The following SLC17A6 variants were observed in gnomAD, a reference collection of about 807,000 sequenced individuals.
SLC17A6 encodes the protein vesicular glutamate transporter 2.
In SLC17A6, 35 loss-of-function variants were observed where a neutral mutation model predicts 67.1. That is an observed-to-expected ratio of 0.52 (90% CI 0.40 to 0.69). The LOEUF is 0.69. Among genes scored for constraint, SLC17A6 ranks in the 30% least tolerant of loss-of-function variants. The pLI is 0.00. For synonymous variants in SLC17A6, 285 were observed against 252.3 expected, an observed-to-expected ratio of 1.13 and a Z score of -1.23; for missense variants, 588 against 723.9, an observed-to-expected ratio of 0.81 and a Z score of 2.15.
intron 7 of SLC17A6, among the ~76,000 whole-genome samples, chr11:22,367,915 A>C (rs1160232957): frequency 1.3e-5 from 2 of 152,188 alleles, no homozygotes; most frequent in African/African-American, 4.8e-5. Flanking sequence ...GTGGGAATAG[A>C]ACTTGCATTT....
At chr11:22,354,031 A>G (rs535018218) in intron 3 of SLC17A6, among the ~76,000 whole-genome samples, 1 of 152,308 alleles carries the variant, frequency 6.6e-6, no homozygotes, top group Non-Finnish European at 1.5e-5. Flanking sequence ...GCCTAGGTTT[A>G]TATCATGCAT....
intron 3 of SLC17A6, among the ~76,000 whole-genome samples, chr11:22,351,563 G>GTA (rs1855939440): frequency 6.6e-6 from 1 of 152,102 alleles, no homozygotes; most frequent in African/African-American, 2.4e-5. Flanking sequence ...ACCCCAGGAT[G>GTA]TCTGATTTCA....
At chr11:22,354,201 A>G (rs1855973420) in intron 3 of SLC17A6, among the ~76,000 whole-genome samples, 1 of 151,874 alleles carries the variant, frequency 6.6e-6, no homozygotes, top group South Asian at 2.1e-4. Flanking sequence ...CTCCTGCCTC[A>G]GCCTCCTGAG....
intron 7 of SLC17A6, among the ~76,000 whole-genome samples, chr11:22,367,028 A>G (rs1856120978): frequency 7.0e-6 from 1 of 143,052 alleles, no homozygotes; most frequent in South Asian, 2.2e-4. Context: ...AAAAAAAAGG[A>G]GAACACTGTT....
chr11:22,375,963 T>C lies in SLC17A6; in HGVS notation c.1175-19T>C. On this transcript the variant is annotated intron_variant, in intron 9 of 11. Coordinates refer to ENST00000263160, the MANE Select transcript of SLC17A6 (RefSeq NM_020346.3). ...ATTTCAAAAATTTCTGAAGAATTTC[T>C]ATGTGTTTGCTTCTGAAGGTTTTGG... The C allele has an allele frequency of 6.4e-7, 1 of 1,569,360 alleles. No individual in the cohort carries two copies. Among genetic ancestry groups the C allele is most frequent in the Non-Finnish European group, 8.7e-7 (1 of 1,154,228 alleles).
intron 3 of SLC17A6, among the ~76,000 whole-genome samples, chr11:22,348,383 C>T (rs1855901632): frequency 6.6e-6 from 1 of 152,130 alleles, no homozygotes; most frequent in Admixed American, 6.6e-5. Context: ...GCAGGAGAAT[C>T]ATACTGAATT....
chr11:22,342,263 A>C (rs1855823799), intron 2 of SLC17A6, among the ~76,000 whole-genome samples: 1 of 152,160 alleles, frequency 6.6e-6, no homozygotes, highest in Non-Finnish European at 1.5e-5. Context: ...TACCTCCCCC[A>C]GGAGGAGCCA....
chr11:22,372,695 A>C (rs1856188421), intron 8 of SLC17A6, among the ~76,000 whole-genome samples: 1 of 152,130 alleles, frequency 6.6e-6, no homozygotes, highest in South Asian at 2.1e-4. Flanking sequence ...TGAGGCAAAA[A>C]TCTAATTACC....
chr11:22,341,577 G>T lies in SLC17A6; in HGVS notation c.136G>T (p.Asp46Tyr). The T allele has an allele frequency of 6.2e-7, 1 of 1,614,064 alleles. No homozygotes were observed. Among genetic ancestry groups the T allele is most frequent in the Non-Finnish European group, 8.5e-7 (1 of 1,180,038 alleles). Residue 46 changes from aspartate (D) to tyrosine (Y), a missense_variant, in exon 2 of 12, where the codon GAT becomes TAT. By Grantham distance (160) the Asp-to-Tyr change is radical. Around this residue, in one of 4 missense-constraint regions of SLC17A6, gnomAD observed 117 missense variants for 98.7 expected, o/e 1.19. Coordinates refer to ENST00000263160, the MANE Select transcript of SLC17A6 (RefSeq NM_020346.3). The stretch of plus-strand genomic sequence containing the variant: ...CGGGGAGACAATCGAGCTGACGGAG[G>T]ATGGGAAGCCCCTAGAGGTGCCCGA... ...DTGETIELTEDGKPLEVPERK... is the reference protein window; with the variant it reads ...DTGETIELTEYGKPLEVPERK...
intron 1 of SLC17A6, among the ~76,000 whole-genome samples, chr11:22,339,726 A>C (rs187511791): frequency 2.5e-3 from 381 of 152,254 alleles, no homozygotes; most frequent in African/African-American, 8.8e-3. Flanking sequence ...AGATTTTCCA[A>C]ATCTCTTCAG....
intron 11 of SLC17A6, among the ~76,000 whole-genome samples, chr11:22,377,066 G>C (rs1856239872): frequency 6.6e-6 from 1 of 151,988 alleles, no homozygotes; most frequent in Non-Finnish European, 1.5e-5. Context: ...TGTATGCAGA[G>C]CTTTAAAATT....
In SLC17A6 at chr11:22,378,396, A is replaced by T. The variant is rs1173298548; in HGVS notation, c.*656A>T. On this transcript the variant is annotated 3_prime_UTR_variant, in exon 12 of 12. Coordinates refer to ENST00000263160, the MANE Select transcript of SLC17A6 (RefSeq NM_020346.3). The stretch of plus-strand genomic sequence containing the variant: ...ACATGTAAGTTGAGGGGTATGCTTC[A>T]TGTTCTTCCATCCATTTACCTAATA... 2 of 152,630 alleles carry T rather than the reference A, an allele frequency of 1.3e-5. No homozygotes were observed. The highest frequency in any genetic ancestry group is 4.8e-5 in the African/African-American group (2 of 41,474). 9.5% of individuals were successfully genotyped at this position (152,630 alleles called of 1,614,324 possible). A position where few individuals can be genotyped will look rare whatever the true frequency, so the allele number is the denominator to read the frequency against.
At chr11:22,358,423 G>C (rs1313503192) in intron 3 of SLC17A6, among the ~76,000 whole-genome samples, 1 of 152,170 alleles carries the variant, frequency 6.6e-6, no homozygotes, top group African/African-American at 2.4e-5. Flanking sequence ...TGCCTCCTGG[G>C]TTCACGCAAT....
chr11:22,343,014 G>A, intron 2 of SLC17A6: 1 of 596,466 alleles, frequency 1.7e-6, no homozygotes, highest in Non-Finnish European at 3.1e-6. Context: ...TAGTCAGGGA[G>A]CAAAGCCAGT....
At chr11:22,346,796 C>T (rs907162561) in intron 3 of SLC17A6, among the ~76,000 whole-genome samples, 19 of 147,544 alleles carry the variant, frequency 1.3e-4, no homozygotes, top group African/African-American at 4.7e-4. Flanking sequence ...TGTTTAATGG[C>T]ATAAATAGCA....
chr11:22,376,203 T>G, intron 10 of SLC17A6, 111 bp downstream of exon 10: 1 of 610,158 alleles, frequency 1.6e-6, no homozygotes, highest in Non-Finnish European at 2.7e-6. Context: ...ATTCTATATG[T>G]TGAATAATAG....
At chr11:22,355,761 C>G (rs1855987529) in intron 3 of SLC17A6, among the ~76,000 whole-genome samples, 1 of 152,212 alleles carries the variant, frequency 6.6e-6, no homozygotes, top group Admixed American at 6.5e-5. Flanking sequence ...AAGGTAACCT[C>G]TTCCATTTGT....
intron 8 of SLC17A6, among the ~76,000 whole-genome samples, chr11:22,371,717 A>AG (rs1292977335): frequency 6.6e-6 from 1 of 152,090 alleles, no homozygotes; most frequent in Non-Finnish European, 1.5e-5. Flanking sequence ...TTTTGCAAAA[A>AG]GTAATTATAA....
At chr11:22,361,166 T>C (rs1013916693) in intron 5 of SLC17A6, 182 bp downstream of exon 5, 4 of 513,316 alleles carry the variant, frequency 7.8e-6, no homozygotes, top group Admixed American at 6.7e-5. Flanking sequence ...TTAAATCTTC[T>C]ATTTATTCTT....
Sources: gnomAD v4.1 joint callset for allele counts (sites outside exome capture counted in the v4.1 genomes callset) on GRCh38, gnomAD v4.1.1 for gene constraint, gnomAD v4.1.1 regional missense constraint, MANE v1.5 for transcripts, NCBI Gene and HGNC (gene_info 2026-07-23, HGNC 2026-07-21) for gene names.